Variants in SGPL1 observed in about 807,000 individuals in gnomAD.
SGPL1 encodes the protein SP-lyase 1.
SGPL1 carries 37 observed loss-of-function variants against 68.9 expected under a neutral mutation model. That is an observed-to-expected ratio of 0.54 (90% CI 0.41 to 0.71). The LOEUF is 0.71. Ranked by LOEUF, SGPL1 falls within the 30% of genes least tolerant of loss-of-function variation. SGPL1 has a pLI of 0.00. For synonymous variants in SGPL1, 236 were observed against 248.5 expected (o/e 0.95, Z 0.47); for missense variants, 551 against 704.6 (o/e 0.78, Z 2.47).
chr10:70,826,592 A>G (rs1285775691), intron 2 of SGPL1, among the ~76,000 whole-genome samples: 1 of 152,246 alleles, frequency 6.6e-6, no homozygotes, highest in African/African-American at 2.4e-5. Context: ...ACGATACCAG[A>G]TTAGGATATA....
chr10:70,833,202 T>A (rs1485822556), intron 2 of SGPL1, among the ~76,000 whole-genome samples: 2 of 152,216 alleles, frequency 1.3e-5, no homozygotes, highest in Non-Finnish European at 2.9e-5. Context: ...AATACTCCCA[T>A]GCTAAGTGTA....
At chr10:70,835,735 C>CAAAAAAAAAAAAAAAAAA (rs66962270) in intron 2 of SGPL1, among the ~76,000 whole-genome samples, 15 of 70,146 alleles carry the variant, frequency 2.1e-4, no homozygotes, top group African/African-American at 7.7e-4. Context: ...GACTCCGTCT[C>CAAAAAAAAAAAAAAAAAA]AAAAAAAAAA....
chr10:70,829,356 A>C (rs370300656), intron 2 of SGPL1, among the ~76,000 whole-genome samples: 2 of 152,234 alleles, frequency 1.3e-5, no homozygotes, highest in Admixed American at 6.5e-5. Flanking sequence ...AAAATACAAC[A>C]TAGGCATGGG....
At chr10:70,871,655 G>A (rs967949679) in intron 10 of SGPL1, among the ~76,000 whole-genome samples, 182 bp from the exon 11 acceptor site, 1 of 152,038 alleles carries the variant, frequency 6.6e-6, no homozygotes, top group Non-Finnish European at 1.5e-5. Context: ...TATTTTGAAG[G>A]GAAAATACAT....
At position 70,873,437 on chromosome 10, in the gene SGPL1, G is replaced by T; in HGVS notation, c.1146G>T (p.Trp382Cys). Residue 382 changes from tryptophan (W) to cysteine (C), a missense_variant, in exon 12 of 15, where the codon TGG becomes TGT. Trp to Cys is a radical substitution (Grantham distance 215). Coordinates refer to ENST00000373202, the MANE Select transcript of SGPL1 (RefSeq NM_003901.4). ...RNYQFFVDTDWQGGIYASPTI... is the reference protein window; with the variant it reads ...RNYQFFVDTDCQGGIYASPTI... ...ATCAGTTCTTCGTCGATACAGATTG[G>T]CAGGGTGGCATCTATGCTTCCCCAA... is the stretch of plus-strand genomic sequence containing the variant. 1 of 1,614,246 alleles carries T rather than the reference G, an allele frequency of 6.2e-7. No homozygotes were observed. Among genetic ancestry groups the T allele is most frequent in the Non-Finnish European group, 8.5e-7 (1 of 1,180,040 alleles).
chr10:70,852,810 T>C (rs1439194162), intron 4 of SGPL1, among the ~76,000 whole-genome samples: 1 of 152,202 alleles, frequency 6.6e-6, no homozygotes, highest in Non-Finnish European at 1.5e-5. Flanking sequence ...TGTCAAGTAC[T>C]TTTCTGGGTG....
intron 6 of SGPL1, among the ~76,000 whole-genome samples, chr10:70,858,718 T>A: frequency 6.6e-6 from 1 of 152,226 alleles, no homozygotes; most frequent in East Asian, 1.9e-4. Context: ...CTACTTCTCT[T>A]CATTTCCCAC....
At chr10:70,841,637 C>G (rs1845714633) in intron 2 of SGPL1, among the ~76,000 whole-genome samples, 1 of 152,068 alleles carries the variant, frequency 6.6e-6, no homozygotes, top group Non-Finnish European at 1.5e-5. Flanking sequence ...CCTCTTCCTC[C>G]TACCATCAGC....
At chr10:70,823,927 C>G (rs1163194276) in intron 2 of SGPL1, among the ~76,000 whole-genome samples, 1 of 152,140 alleles carries the variant, frequency 6.6e-6, no homozygotes, top group Non-Finnish European at 1.5e-5. Flanking sequence ...GCTTTCTAGT[C>G]TATTTCAAAA....
At chr10:70,817,735 G>A (rs1845261843) in intron 2 of SGPL1, among the ~76,000 whole-genome samples, 1 of 152,214 alleles carries the variant, frequency 6.6e-6, no homozygotes. Context: ...TTCCAGATTA[G>A]AGTTATGGTT....
intron 2 of SGPL1, among the ~76,000 whole-genome samples, chr10:70,840,058 T>C (rs1002657768): frequency 4.6e-5 from 7 of 152,144 alleles, no homozygotes; most frequent in Non-Finnish European, 1.0e-4. Flanking sequence ...ATAATTTTAG[T>C]ATGTTATACA....
At chr10:70,830,308 C>T (rs1845511381) in intron 2 of SGPL1, among the ~76,000 whole-genome samples, 1 of 152,222 alleles carries the variant, frequency 6.6e-6, no homozygotes, top group African/African-American at 2.4e-5. Flanking sequence ...CAGTACTCAG[C>T]AGTCACTTCC....
intron 11 of SGPL1, among the ~76,000 whole-genome samples, chr10:70,872,817 G>A (rs1420142136): frequency 6.6e-6 from 1 of 151,990 alleles, no homozygotes; most frequent in African/African-American, 2.4e-5. Flanking sequence ...TTAATTAGGG[G>A]GTCAGATGTT....
At chr10:70,842,301 G>A (rs758356620) in intron 2 of SGPL1, among the ~76,000 whole-genome samples, 2 of 152,124 alleles carry the variant, frequency 1.3e-5, no homozygotes, top group African/African-American at 2.4e-5. Flanking sequence ...AGGTCAAAAC[G>A]AACATGCGTT....
chr10:70,816,363 G>A (rs1197992433), intron 1 of SGPL1, among the ~76,000 whole-genome samples: 1 of 151,838 alleles, frequency 6.6e-6, no homozygotes, highest in Non-Finnish European at 1.5e-5. Flanking sequence ...CACGCCTGCC[G>A]CGGGGTAGGC....
chr10:70,857,512 T>C, intron 5 of SGPL1, 102 bp from the exon 6 acceptor site: 1 of 884,418 alleles, frequency 1.1e-6, no homozygotes, highest in Admixed American at 2.0e-5. Flanking sequence ...CAACATTTTT[T>C]TCTTTTGTAT....
chr10:70,876,775 A>T (rs541637724), intron 14 of SGPL1, 114 bp downstream of exon 14: 1 of 957,802 alleles, frequency 1.0e-6, no homozygotes, highest in Admixed American at 2.3e-5. Context: ...TGCCACAGAC[A>T]TCTTTTATTT....
chr10:70,846,035 GC>G lies in SGPL1; in HGVS notation c.193+1398del, dbSNP rs1487609460. Among the ~76,000 whole-genome samples the G allele has an allele frequency of 2.6e-5, 4 of 152,264 alleles. No homozygotes were observed. The East Asian group carries it at 5.8e-4, about 22-fold the overall frequency. The stretch of plus-strand genomic sequence containing the variant: ...AGCCATTTATGGCGCAGTAAACATT[GC>G]AAAACCTGACAACCAAGAAGCAAGT... On this transcript the variant is annotated intron_variant, in intron 3 of 14. Transcript: ENST00000373202.
intron 2 of SGPL1, among the ~76,000 whole-genome samples, chr10:70,838,640 T>G (rs1845667092): frequency 6.6e-6 from 1 of 152,218 alleles, no homozygotes; most frequent in South Asian, 2.1e-4. Flanking sequence ...AACCACATTC[T>G]AAATTTAAGG....
Sources: gnomAD v4.1 joint callset for allele counts (sites outside exome capture counted in the v4.1 genomes callset) on GRCh38, gnomAD v4.1.1 for gene constraint, MANE v1.5 for transcripts, NCBI Gene and HGNC (gene_info 2026-07-23, HGNC 2026-07-21) for gene names.